Variants in B3GAT2 observed in about 807,000 individuals in gnomAD.
The protein encoded by B3GAT2 is galactosylgalactosylxylosylprotein 3-beta-glucuronosyltransferase 2.
B3GAT2 carries 26 observed loss-of-function variants against 27.8 expected under a neutral mutation model. The ratio of observed to expected loss-of-function variants is 0.93; its 90% CI spans 0.68 to 1.30. The LOEUF (loss-of-function observed/expected upper bound fraction) is 1.30. B3GAT2 is among the 50% of genes most tolerant of loss of function. B3GAT2 has a pLI of 0.00. For missense variants in B3GAT2, 458 were observed against 459.0 expected, an observed-to-expected ratio of 1.00 and a Z score of 0.02; for synonymous variants, 218 against 195.1, an observed-to-expected ratio of 1.12 and a Z score of -0.98.
chr6:70,865,482 A>G (rs902124147), intron 2 of B3GAT2, among the ~76,000 whole-genome samples: 29 of 152,344 alleles, frequency 1.9e-4, no homozygotes, highest in Middle Eastern at 3.4e-3. Flanking sequence ...GCATTGTATT[A>G]GGTAAGTAAT....
chr6:70,890,160 A>G (rs756341193), intron 2 of B3GAT2, among the ~76,000 whole-genome samples: 3 of 151,934 alleles, frequency 2.0e-5, no homozygotes, highest in African/African-American at 7.3e-5. Context: ...CTCTTCCCAC[A>G]TCCAATAACG....
At chr6:70,947,955 T>A (rs1765519371) in intron 1 of B3GAT2, among the ~76,000 whole-genome samples, 1 of 151,750 alleles carries the variant, frequency 6.6e-6, no homozygotes, top group African/African-American at 2.4e-5. Context: ...TAATCCAGCA[T>A]ATAAACAGAA....
intron 2 of B3GAT2, 51 bp from the exon 3 acceptor site, chr6:70,862,029 CTCT>C: frequency 4.7e-6 from 7 of 1,499,714 alleles, no homozygotes; most frequent in Non-Finnish European, 6.2e-6. Flanking sequence ...TGGTGTACTT[CTCT>C]TTTTTTCTGT....
chr6:70,909,714 C>T (rs897008890), intron 1 of B3GAT2, among the ~76,000 whole-genome samples: 2 of 152,198 alleles, frequency 1.3e-5, no homozygotes, highest in African/African-American at 4.8e-5. Context: ...CCAACCTTCT[C>T]TATCCTGCTT....
chr6:70,924,841 C>T (rs1772927166), intron 1 of B3GAT2, among the ~76,000 whole-genome samples: 1 of 152,186 alleles, frequency 6.6e-6, no homozygotes. Flanking sequence ...TGAGAGGAGC[C>T]TCAATTCTAC....
chr6:70,929,850 T>A (rs1773030865), intron 1 of B3GAT2, among the ~76,000 whole-genome samples: 1 of 152,156 alleles, frequency 6.6e-6, no homozygotes, highest in South Asian at 2.1e-4. Context: ...TACTTTAAAG[T>A]TCATATGGAA....
At chr6:70,938,521 A>T (rs1196611513) in intron 1 of B3GAT2, among the ~76,000 whole-genome samples, 2 of 151,588 alleles carry the variant, frequency 1.3e-5, no homozygotes, top group Non-Finnish European at 3.0e-5. Flanking sequence ...AGGCTACAGT[A>T]ACCAAAACAG....
Position 70,957,013 on chromosome 6 carries a change from C to G in B3GAT2, c.-584G>C, listed in dbSNP as rs537366236. The G allele has an allele frequency of 2.6e-5, 26 of 997,854 alleles. No homozygotes were observed. In the Admixed American group the frequency reaches 2.9e-4, roughly 11 times the overall value. 61.8% of individuals were successfully genotyped at this position (997,854 alleles called of 1,614,324 possible). A position where few individuals can be genotyped will look rare whatever the true frequency, so the allele number is the denominator to read the frequency against. On this transcript the variant is annotated 5_prime_UTR_variant, in exon 1 of 4. Coordinates refer to ENST00000230053, the MANE Select transcript of B3GAT2 (RefSeq NM_080742.3). Reference sequence around the variant, plus strand: ...TCGCGCGCCGCAGCGGAAGCCTGCTCTCAGTCCCTTGCTCTTGTCTTCTCA... The same window carrying G: ...TCGCGCGCCGCAGCGGAAGCCTGCTGTCAGTCCCTTGCTCTTGTCTTCTCA...
chr6:70,946,183 G>C (rs1234362888), intron 1 of B3GAT2, among the ~76,000 whole-genome samples: 4 of 151,914 alleles, frequency 2.6e-5, no homozygotes, highest in African/African-American at 9.7e-5. Flanking sequence ...AAAATAACCA[G>C]CTAACATCAT....
At position 70,859,624 on chromosome 6, in the gene B3GAT2, A is replaced by G. The variant is rs1771614224; in HGVS notation, c.*2039T>C. ...CACCAATTTTGGAAGTAAGAGAATC[A>G]CAGGGTTAAGATGCTTATATATATA... On this transcript the variant is annotated 3_prime_UTR_variant, in exon 4 of 4. Coordinates refer to ENST00000230053, the MANE Select transcript of B3GAT2 (RefSeq NM_080742.3). 1.6e-5 allele frequency: 6 copies of G among 382,734 alleles called. No individual in the cohort carries two copies. Among genetic ancestry groups the G allele is most frequent in the Admixed American group, 1.3e-4 (3 of 23,366 alleles). The allele number at this position is 382,734 out of a possible 1,614,324, so 23.7% of individuals were successfully genotyped here. A position where few individuals can be genotyped will look rare whatever the true frequency, so the allele number is the denominator to read the frequency against.
intron 1 of B3GAT2, among the ~76,000 whole-genome samples, chr6:70,922,392 A>G (rs1772884563): frequency 6.6e-6 from 1 of 152,192 alleles, no homozygotes; most frequent in African/African-American, 2.4e-5. Context: ...ATCGCAGAAT[A>G]AATGTTATTT....
At chr6:70,951,097 T>C (rs1765572264) in intron 1 of B3GAT2, among the ~76,000 whole-genome samples, 1 of 152,150 alleles carries the variant, frequency 6.6e-6, no homozygotes. Flanking sequence ...ACAAGCACTG[T>C]GAATCAAATA....
In B3GAT2 at chr6:70,956,555, G is replaced by A. The variant is rs377152159; in HGVS notation, c.-126C>T. 2.5e-4 allele frequency: 370 copies of A among 1,491,800 alleles called. 2 individuals carry two copies. In the East Asian group the frequency reaches 7.8e-3, roughly 31 times the overall value. The allele number at this position is 1,491,800 out of a possible 1,614,324, so 92.4% of individuals were successfully genotyped here. A position where few individuals can be genotyped will look rare whatever the true frequency, so the allele number is the denominator to read the frequency against. On this transcript the variant is annotated 5_prime_UTR_variant, in exon 1 of 4. Transcript: ENST00000230053. ...TGATGGGTGCGCTGTCCATGGGGCC[G>A]AGGGCGCTGCAGAGACCTGGAGCCG... is the stretch of plus-strand genomic sequence containing the variant.
intron 1 of B3GAT2, among the ~76,000 whole-genome samples, chr6:70,921,297 A>T (rs1485038729): frequency 6.6e-6 from 1 of 151,636 alleles, no homozygotes; most frequent in Admixed American, 6.6e-5. Context: ...TTATTTGTTC[A>T]TTATTTTTGT....
At chr6:70,955,722 CG>C in intron 1 of B3GAT2, 116 bp downstream of exon 1, 1 of 1,224,458 alleles carries the variant, frequency 8.2e-7, no homozygotes, top group South Asian at 1.7e-5. Context: ...AATGCGCGCA[CG>C]GAGAACTGAG....
At position 70,919,040 on chromosome 6, in the gene B3GAT2, C is replaced by A. The variant is rs374656222; in HGVS notation, c.592-24768G>T. 5.6e-4 allele frequency among the ~76,000 whole-genome samples: 85 copies of A among 152,280 alleles called. No individual in the cohort carries two copies. In the South Asian group the frequency reaches 9.6e-3, roughly 17 times the overall value. ...GTCACTTTCAGGTACACCAATCAAA[C>A]GTAGATTTGGTCTTTTCACATAGTC... On this transcript the variant is annotated intron_variant, in intron 1 of 3. Coordinates refer to ENST00000230053, the MANE Select transcript of B3GAT2 (RefSeq NM_080742.3).
intron 1 of B3GAT2, among the ~76,000 whole-genome samples, chr6:70,935,422 C>A (rs942977476): frequency 6.6e-6 from 1 of 151,922 alleles, no homozygotes; most frequent in Non-Finnish European, 1.5e-5. Flanking sequence ...CCACTACACT[C>A]CAGTCTGGGC....
In B3GAT2 at chr6:70,859,062, T is replaced by TCTGTTTGGTCACTTGTTTTAC. The variant is rs1771574631; in HGVS notation, c.*2580_*2600dup. ...CTCCAGCATTTTGGCAATCTTGGTT[T>TCTGTTTGGTCACTTGTTTTAC]CTGTTTGGTCACTTGTTTTACCTTT... is the stretch of plus-strand genomic sequence containing the variant. On this transcript the variant is annotated 3_prime_UTR_variant, in exon 4 of 4. Coordinates refer to ENST00000230053, the MANE Select transcript of B3GAT2 (RefSeq NM_080742.3). 1 of 254,796 alleles carries TCTGTTTGGTCACTTGTTTTAC rather than the reference T, an allele frequency of 3.9e-6. No individual in the cohort carries two copies. The highest frequency in any genetic ancestry group is 7.4e-6 in the Non-Finnish European group (1 of 134,336). The allele number at this position is 254,796 out of a possible 1,614,324, so 15.8% of individuals were successfully genotyped here.
At chr6:70,882,085 A>T (rs1453220604) in intron 2 of B3GAT2, among the ~76,000 whole-genome samples, 1 of 152,208 alleles carries the variant, frequency 6.6e-6, no homozygotes, top group Admixed American at 6.5e-5. Context: ...TCTTTCTCTA[A>T]CAGCAGACTA....
Sources: allele counts gnomAD v4.1 joint callset (sites outside exome capture counted in the v4.1 genomes callset), GRCh38; gene constraint gnomAD v4.1.1; transcripts MANE v1.5; gene names NCBI Gene and HGNC (gene_info 2026-07-23, HGNC 2026-07-21).